The following UBP1 variants were observed in gnomAD, a reference collection of about 807,000 sequenced individuals.
UBP1 encodes upstream-binding protein 1.
UBP1 carries 22 observed loss-of-function variants against 76.1 expected under a neutral mutation model. The ratio of observed to expected loss-of-function variants is 0.29; its 90% CI spans 0.21 to 0.41. UBP1 has a LOEUF of 0.41. Ranked by LOEUF, UBP1 falls within the 10% of genes least tolerant of loss-of-function variation. UBP1 has a pLI of 1.00. For missense variants in UBP1, 436 were observed against 668.1 expected (o/e 0.65, Z 3.83); for synonymous variants, 224 against 237.1 (o/e 0.94, Z 0.51).
At chr3:33,413,777 T>G (rs1410747344) in intron 3 of UBP1, among the ~76,000 whole-genome samples, 2 of 152,096 alleles carry the variant, frequency 1.3e-5, no homozygotes, top group African/African-American at 4.8e-5. Flanking sequence ...CTTCCTTACC[T>G]GCACCCACAC....
At chr3:33,439,610 G>T in intron 1 of UBP1, 126 bp downstream of exon 1, 1 of 1,018,350 alleles carries the variant, frequency 9.8e-7, no homozygotes, top group Non-Finnish European at 1.4e-6. Flanking sequence ...CACGCGGCAG[G>T]ACTCCGACCC....
rs1466764233 is a variant in UBP1, at chr3:33,409,240, G to C, written c.815C>G (p.Thr272Arg). ...YQPSYDTTIL[T>R]EMRLEPIIED... ...CCAAATGCTTTACTACATTACCTCT[G>C]TGAGGATTGTGGTATCATAGGACGG... The change falls in exon 7 of 16, where the codon ACA becomes AGA. Residue 272 changes from threonine to arginine, a missense_variant. Transcript: ENST00000283629. The C allele has an allele frequency of 6.2e-7, 1 of 1,613,700 alleles. No homozygotes were observed. Among genetic ancestry groups the C allele is most frequent in the Admixed American group, 1.7e-5 (1 of 60,012 alleles).
chr3:33,418,259 AT>A (rs1559685452), intron 2 of UBP1, among the ~76,000 whole-genome samples: 1 of 152,044 alleles, frequency 6.6e-6, no homozygotes, highest in Admixed American at 6.6e-5. Flanking sequence ...ATTTTTATTT[AT>A]TTATTTATTT....
At chr3:33,408,634 A>T in intron 8 of UBP1, 56 bp downstream of exon 8, 1 of 1,491,000 alleles carries the variant, frequency 6.7e-7, no homozygotes, top group Non-Finnish European at 9.1e-7. Flanking sequence ...TTGGTCCTAT[A>T]TCTAACACTG....
At chr3:33,400,627 A>T (rs987765257) in intron 10 of UBP1, among the ~76,000 whole-genome samples, 6 of 152,202 alleles carry the variant, frequency 3.9e-5, no homozygotes, top group Non-Finnish European at 8.8e-5. Flanking sequence ...ATTTGAACAC[A>T]TGAAGGGAGA....
Position 33,388,344 on chromosome 3 carries a change from A to G in UBP1, c.*1987T>C, listed in dbSNP as rs903655004. The G allele has an allele frequency of 6.6e-6, 1 of 152,626 alleles. No individual in the cohort carries two copies. The highest frequency in any genetic ancestry group is 2.4e-5 in the African/African-American group (1 of 41,464). 9.5% of individuals were successfully genotyped at this position (152,626 alleles called of 1,614,324 possible). On this transcript the variant is annotated 3_prime_UTR_variant, in exon 16 of 16. Transcript: ENST00000283629. ...TTTAAATGAGACACACATTTGCAAAACAATCAGAAAACATTTATTATACTG... is the reference window on the plus strand; with the variant it reads ...TTTAAATGAGACACACATTTGCAAAGCAATCAGAAAACATTTATTATACTG...
At chr3:33,408,276 A>T (rs988594304) in intron 8 of UBP1, among the ~76,000 whole-genome samples, 2 of 152,230 alleles carry the variant, frequency 1.3e-5, no homozygotes, top group African/African-American at 4.8e-5. Context: ...TCAAGTATAC[A>T]CATGAGAAAG....
intron 3 of UBP1, among the ~76,000 whole-genome samples, chr3:33,415,165 T>TATC (rs2044697474): frequency 6.6e-6 from 1 of 152,242 alleles, no homozygotes; most frequent in African/African-American, 2.4e-5. Flanking sequence ...AAACATTAGG[T>TATC]ATCACCTATC....
intron 1 of UBP1, among the ~76,000 whole-genome samples, chr3:33,427,838 T>C (rs72853023): frequency 0.024 from 3,720 of 152,292 alleles, 78 homozygotes; most frequent in Admixed American, 0.058. Context: ...TCTCAACACC[T>C]TGACCTAGGG....
intron 2 of UBP1, among the ~76,000 whole-genome samples, chr3:33,419,247 C>T (rs1216525581): frequency 6.6e-6 from 1 of 152,126 alleles, no homozygotes; most frequent in Non-Finnish European, 1.5e-5. Context: ...GTAATCCTAG[C>T]ACTTTGGGAG....
At chr3:33,406,150 C>G (rs2044414118) in intron 8 of UBP1, among the ~76,000 whole-genome samples, 1 of 152,192 alleles carries the variant, frequency 6.6e-6, no homozygotes, top group Admixed American at 6.5e-5. Flanking sequence ...ATGGCACACA[C>G]ACACCTGTGG....
Position 33,412,716 on chromosome 3 carries a change from C to A in UBP1, c.448+6G>T, listed in dbSNP as rs752468813. ...ATCTCCATGGTCTTTTGATCACTGC[C>A]TGTACCTAAATCAAGAAGTCTGTCT... On this transcript the variant is annotated splice_donor_region_variant and intron_variant, in intron 4 of 15. Transcript: ENST00000283629. 2 of 1,584,094 alleles carry A rather than the reference C, an allele frequency of 1.3e-6. No homozygotes were observed. Among genetic ancestry groups the A allele is most frequent in the South Asian group, 2.2e-5 (2 of 90,488 alleles).
intron 2 of UBP1, among the ~76,000 whole-genome samples, chr3:33,420,894 G>C (rs1269668500): frequency 6.6e-6 from 1 of 152,180 alleles, no homozygotes; most frequent in Non-Finnish European, 1.5e-5. Flanking sequence ...AAAATGCTGG[G>C]ATTACAGGTG....
intron 9 of UBP1, 78 bp downstream of exon 9, chr3:33,402,723 C>G: frequency 7.7e-6 from 8 of 1,038,776 alleles, no homozygotes; most frequent in Non-Finnish European, 1.1e-5. Context: ...CAAAAGGCTG[C>G]TGTACATGGA....
chr3:33,437,943 A>G (rs2045228956), intron 1 of UBP1, among the ~76,000 whole-genome samples: 1 of 152,252 alleles, frequency 6.6e-6, no homozygotes, highest in South Asian at 2.1e-4. Context: ...AAATACGAAA[A>G]AAAAACCTTC....
intron 3 of UBP1, 52 bp downstream of exon 3, chr3:33,416,706 A>T: frequency 5.2e-6 from 7 of 1,343,118 alleles, no homozygotes; most frequent in Admixed American, 2.2e-5. Flanking sequence ...TTAAACAAAA[A>T]CTCATTCAAT....
rs2045265455 is a variant in UBP1, at chr3:33,439,952, C to A, written c.-104G>T. On this transcript the variant is annotated 5_prime_UTR_variant, in exon 1 of 16. Transcript: ENST00000283629. ...TGGGGGAGGGCGCGGGTGAAGCCTC[C>A]GGAGGGGCGGCGAGTGGTCACCAGC... The A allele has an allele frequency of 7.8e-7, 1 of 1,282,774 alleles. No homozygotes were observed. The highest frequency in any genetic ancestry group is 1.1e-6 in the Non-Finnish European group (1 of 932,330). The allele number at this position is 1,282,774 out of a possible 1,614,324, so 79.5% of individuals were successfully genotyped here.
chr3:33,409,506 T>G lies in UBP1; in HGVS notation c.651A>C (p.Glu217Asp). ...RIQVDTFKQN[E>D]NGEYTDHLHS... Reference sequence around the variant, plus strand: ...GTAGATGATCTGTGTATTCTCCATTTTCATTCTGCTTAAAGGTGTCAACCT... The same window carrying G: ...GTAGATGATCTGTGTATTCTCCATTGTCATTCTGCTTAAAGGTGTCAACCT... The change falls in exon 6 of 16, where the codon GAA becomes GAC. Residue 217 changes from glutamate (E) to aspartate (D), a missense_variant. Glu to Asp is a conservative substitution (Grantham distance 45). Around this residue, in one of 3 missense-constraint regions of UBP1, gnomAD observed 65 missense variants for 157.4 expected, o/e 0.41. Transcript: ENST00000283629. The G allele has an allele frequency of 6.2e-7, 1 of 1,614,192 alleles. No homozygotes were observed. The highest frequency in any genetic ancestry group is 8.5e-7 in the Non-Finnish European group (1 of 1,180,014).
rs756132845 is a variant in UBP1 at position 33,396,236 on chromosome 3, G to C, written c.1316C>G (p.Pro439Arg). 1 of 1,591,822 alleles carries C rather than the reference G, an allele frequency of 6.3e-7. No homozygotes were observed. The highest frequency in any genetic ancestry group is 8.6e-7 in the Non-Finnish European group (1 of 1,162,242). The change falls in exon 13 of 16, where the codon CCA becomes CGA. Residue 439 changes from proline (P) to arginine (R), a missense_variant. Pro to Arg is a moderately radical substitution (Grantham distance 103). Coordinates refer to ENST00000283629, the MANE Select transcript of UBP1 (RefSeq NM_014517.5). ...CTGCCCTTGCAGCACTGTGCTGCTT[G>C]GCTGCTCCCGGCAGACATAGATGGT... ...RLTIYVCREQ[P>R]SSTVLQGQQQ...
Sources: allele counts gnomAD v4.1 joint callset (sites outside exome capture counted in the v4.1 genomes callset), GRCh38; gene constraint gnomAD v4.1.1; regional missense constraint gnomAD v4.1.1; transcripts MANE v1.5; gene names NCBI Gene and HGNC (gene_info 2026-07-23, HGNC 2026-07-21).